The following CNTNAP5 variants were observed in gnomAD, a reference collection of about 807,000 sequenced individuals.
The protein encoded by CNTNAP5 is contactin-associated protein-like 5.
CNTNAP5 carries 72 observed loss-of-function variants against 150.2 expected under a neutral mutation model. The ratio of observed to expected loss-of-function variants is 0.48; its 90% CI spans 0.40 to 0.58. CNTNAP5 has a LOEUF of 0.58. Among genes scored for constraint, CNTNAP5 ranks in the 20% least tolerant of loss-of-function variants. CNTNAP5 has a pLI of 0.00. For missense variants in CNTNAP5, 1,636 were observed against 1,626.2 expected (o/e 1.01, Z -0.10); for synonymous variants, 672 against 619.8 (o/e 1.08, Z -1.25).
chr2:124,358,490 T>C (rs1690090912), intron 3 of CNTNAP5, among the ~76,000 whole-genome samples: 1 of 152,244 alleles, frequency 6.6e-6, no homozygotes, highest in African/African-American at 2.4e-5. Flanking sequence ...CAATACCTAA[T>C]TTATTGAGAG....
chr2:124,142,383 G>C lies in CNTNAP5; in HGVS notation c.83-79322G>C, dbSNP rs543637099. ...CACCTATTCCAAAATTGACCACATA[G>C]TTGGAAGTAAAGCTCTCCTCAGCAA... On this transcript the variant is annotated intron_variant, in intron 1 of 23. Coordinates refer to ENST00000682447, the MANE Select transcript of CNTNAP5 (RefSeq NM_001367498.1). Among the ~76,000 whole-genome samples the C allele has an allele frequency of 8.0e-3, 1,208 of 151,404 alleles. 5 individuals are homozygous for C. The highest frequency in any genetic ancestry group is 0.024 in the Middle Eastern group (7 of 294).
Position 124,763,764 on chromosome 2 carries a change from CT to C in CNTNAP5, c.2329del (p.Trp777GlyfsTer54). 1 of 1,613,138 alleles carries C rather than the reference CT, an allele frequency of 6.2e-7. No homozygotes were observed. The highest frequency in any genetic ancestry group is 8.5e-7 in the Non-Finnish European group (1 of 1,179,442). ...ACCGACAGATCAAACTCAGAAGCCG[CT>C]TGGAGAATTGGTCCCTTGCGTTGCT... Reference protein sequence around the residue: ...TDTDRSNSEAAWRIGPLRCYG... With the variant: ...TDTDRSNSEAXWRIGPLRCYG... On this transcript the variant is annotated frameshift_variant, in exon 15 of 24. Coordinates refer to ENST00000682447, the MANE Select transcript of CNTNAP5 (RefSeq NM_001367498.1). LOFTEE classifies it high-confidence loss of function.
chr2:124,358,348 G>T (rs1304549205), intron 3 of CNTNAP5, among the ~76,000 whole-genome samples: 1 of 152,138 alleles, frequency 6.6e-6, no homozygotes, highest in Non-Finnish European at 1.5e-5. Context: ...ACGTTGAATA[G>T]GAGTGGTGAG....
chr2:124,609,118 T>G (rs1170591849), intron 11 of CNTNAP5, among the ~76,000 whole-genome samples: 1 of 152,150 alleles, frequency 6.6e-6, no homozygotes, highest in Non-Finnish European at 1.5e-5. Context: ...TTACAGGTTC[T>G]GTAACCCATT....
At chr2:124,127,246 G>A (rs1295477666) in intron 1 of CNTNAP5, among the ~76,000 whole-genome samples, 1 of 152,108 alleles carries the variant, frequency 6.6e-6, no homozygotes, top group Non-Finnish European at 1.5e-5. Flanking sequence ...AAAATCACAA[G>A]CATTTCTATA....
chr2:124,178,109 A>G (rs1441754881), intron 1 of CNTNAP5, among the ~76,000 whole-genome samples: 1 of 152,008 alleles, frequency 6.6e-6, no homozygotes, highest in Admixed American at 6.6e-5. Flanking sequence ...GGCCTCCCAA[A>G]GTGCTGGGAT....
rs529911081 is a variant in CNTNAP5, at chr2:124,484,335, T to C, written c.1062+9453T>C. 3.3e-5 allele frequency among the ~76,000 whole-genome samples: 5 copies of C among 152,310 alleles called. No individual in the cohort carries two copies. The South Asian group carries it at 1.0e-3, about 32-fold the overall frequency. On this transcript the variant is annotated intron_variant, in intron 7 of 23. Transcript: ENST00000682447. ...AAACACCCTTTTATGTCACTCATGG[T>C]GTTAAATATGTGATATACGGTCAGG...
At chr2:124,209,365 T>G (rs376477565) in intron 1 of CNTNAP5, among the ~76,000 whole-genome samples, 2 of 152,224 alleles carry the variant, frequency 1.3e-5, no homozygotes, top group African/African-American at 4.8e-5. Context: ...CCATCTTGGC[T>G]GTCCTTCCTG....
intron 3 of CNTNAP5, among the ~76,000 whole-genome samples, chr2:124,279,245 G>A (rs1344202670): frequency 6.7e-6 from 1 of 149,612 alleles, no homozygotes; most frequent in Admixed American, 6.6e-5. Context: ...GTGTGTGTGT[G>A]TGTCTGTGTG....
intron 3 of CNTNAP5, among the ~76,000 whole-genome samples, chr2:124,262,201 C>T (rs1482559207): frequency 6.6e-6 from 1 of 152,066 alleles, no homozygotes; most frequent in East Asian, 1.9e-4. Flanking sequence ...GTCAAAATCA[C>T]ACCACTGTAC....
intron 1 of CNTNAP5, among the ~76,000 whole-genome samples, chr2:124,033,908 C>G (rs1681133418): frequency 1.3e-5 from 2 of 151,344 alleles, no homozygotes; most frequent in African/African-American, 4.9e-5. Flanking sequence ...GAGAAACAGA[C>G]CTTTTCCAGA....
Position 124,920,676 on chromosome 2 carries a change from G to A in CNTNAP5, c.*6388G>A, listed in dbSNP as rs1678854763. Among the ~76,000 whole-genome samples the A allele has an allele frequency of 6.6e-6, 1 of 152,082 alleles. No individual in the cohort carries two copies. The highest frequency in any genetic ancestry group is 1.5e-5 in the Non-Finnish European group (1 of 67,998). On this transcript the variant is annotated 3_prime_UTR_variant, in exon 24 of 24. Transcript: ENST00000682447. ...TAGCCTAGGGCAGAAAGGCAGCCAT[G>A]TATAAATGAATACCCATGGCCATGT...
intron 1 of CNTNAP5, among the ~76,000 whole-genome samples, chr2:124,029,756 A>G (rs1680992853): frequency 1.3e-5 from 2 of 152,106 alleles, no homozygotes; most frequent in Non-Finnish European, 2.9e-5. Context: ...TGTTAAAAAA[A>G]CAAAGTAATG....
intron 14 of CNTNAP5, among the ~76,000 whole-genome samples, chr2:124,760,522 G>C (rs574801266): frequency 1.3e-5 from 2 of 151,866 alleles, no homozygotes; most frequent in Non-Finnish European, 2.9e-5. Context: ...TTTAAACTTA[G>C]AGAAGACCAC....
chr2:124,185,844 C>T (rs901356260), intron 1 of CNTNAP5, among the ~76,000 whole-genome samples: 1 of 152,160 alleles, frequency 6.6e-6, no homozygotes. Context: ...TGAGCAGGTC[C>T]CTCTGCATAT....
Position 124,242,185 on chromosome 2 carries a change from C to G in CNTNAP5, c.188-15C>G, listed in dbSNP as rs774457084. The G allele has an allele frequency of 4.0e-5, 62 of 1,569,592 alleles. No homozygotes were observed. The highest frequency in any genetic ancestry group is 5.1e-5 in the Non-Finnish European group (59 of 1,155,890). The stretch of plus-strand genomic sequence containing the variant: ...TTACTACAACTCTCTCTCACTCTCT[C>G]TGATCCTGTTCCAGGAACTGGCGGT... On this transcript the variant is annotated splice_polypyrimidine_tract_variant and intron_variant, in intron 2 of 23. Transcript: ENST00000682447.
chr2:124,538,116 C>T (rs375180368), intron 10 of CNTNAP5, among the ~76,000 whole-genome samples: 2 of 152,266 alleles, frequency 1.3e-5, no homozygotes, highest in Admixed American at 6.5e-5. Context: ...TGCATGTCAA[C>T]GTATCAGGAA....
intron 3 of CNTNAP5, among the ~76,000 whole-genome samples, chr2:124,359,099 T>C (rs1168058743): frequency 2.6e-5 from 4 of 152,024 alleles, no homozygotes; most frequent in African/African-American, 7.2e-5. Context: ...CATAGAGGTG[T>C]TTGTAGTATT....
At position 124,358,787 on chromosome 2, in the gene CNTNAP5, A is replaced by T. The variant is rs372483730; in HGVS notation, c.382-58656A>T. ...TCTCTTTTTTGGTTGTGTCTCTGCC[A>T]GGCTTTGGTATCAGAATGATGCTGG... On this transcript the variant is annotated intron_variant, in intron 3 of 23. Coordinates refer to ENST00000682447, the MANE Select transcript of CNTNAP5 (RefSeq NM_001367498.1). 7.0e-3 allele frequency among the ~76,000 whole-genome samples: 1,061 copies of T among 151,174 alleles called. 11 individuals are homozygous for T. The highest frequency in any genetic ancestry group is 0.014 in the Admixed American group (218 of 15,096).
Sources: gnomAD v4.1 joint callset for allele counts (sites outside exome capture counted in the v4.1 genomes callset) on GRCh38, gnomAD v4.1.1 for gene constraint, MANE v1.5 for transcripts, NCBI Gene and HGNC (gene_info 2026-07-23, HGNC 2026-07-21) for gene names.